IFT27: variants seen among roughly 807,000 people sequenced by gnomAD.
IFT27 encodes intraflagellar transport 27, also known as intraflagellar transport protein 27 homolog.
Under a neutral mutation model 23.9 loss-of-function variants are expected in IFT27, and 19 were observed. The observed-to-expected ratio is 0.79, with a 90% CI of 0.55 to 1.16. IFT27 has a LOEUF of 1.16. Among genes scored for constraint, IFT27 ranks in the 50% most tolerant of loss-of-function variants. The pLI, the probability that IFT27 is intolerant of heterozygous loss-of-function variation, is 0.00. For missense variants in IFT27, 206 were observed against 228.7 expected (o/e 0.90, Z 0.64); for synonymous variants, 91 against 89.1 (o/e 1.02, Z -0.12).
intron 1 of IFT27, among the ~76,000 whole-genome samples, chr22:36,768,817 T>G (rs1238047670): frequency 6.6e-6 from 1 of 152,230 alleles, no homozygotes. Context: ...GAGTCTTACG[T>G]GGACTTGCAC....
chr22:36,761,198 G>A (rs1938082174), intron 6 of IFT27: 1 of 152,166 alleles, frequency 6.6e-6, no homozygotes, highest in African/African-American at 2.4e-5. Context: ...GGTGACTCCT[G>A]TTTTGGAGGT....
chr22:36,759,096 GA>G (rs1938009217), intron 6 of IFT27: 1 of 152,668 alleles, frequency 6.6e-6, no homozygotes, highest in Admixed American at 6.5e-5. Flanking sequence ...CAGGAGGAGT[GA>G]GGGGGGACCA....
intron 4 of IFT27, among the ~76,000 whole-genome samples, chr22:36,765,600 A>G (rs1323550192): frequency 1.3e-5 from 2 of 152,192 alleles, no homozygotes; most frequent in African/African-American, 4.8e-5. Flanking sequence ...TCACTGGCCC[A>G]GATTAGTGAG....
At chr22:36,771,047 GGTGTGT>G (rs138610291) in intron 1 of IFT27, among the ~76,000 whole-genome samples, 104 of 150,950 alleles carry the variant, frequency 6.9e-4, no homozygotes, top group African/African-American at 2.4e-3. Flanking sequence ...CCTGTCTTGG[GGTGTGT>G]GTGTGTGTGT....
rs550842872 is a variant in IFT27, at chr22:36,764,862, C to T, written c.235-826G>A. ...GGCTGTGGGTGCGCACCCTGGTGCT[C>T]GTGACTCTTGGCCATGCTCTGGTTT... On this transcript the variant is annotated intron_variant, in intron 4 of 6. Transcript: ENST00000433985. Among the ~76,000 whole-genome samples, 231 of 152,302 alleles carry T rather than the reference C, an allele frequency of 1.5e-3. 1 individual carries two copies. The highest frequency in any genetic ancestry group is 1.7e-3 in the Non-Finnish European group (113 of 68,024).
intron 4 of IFT27, among the ~76,000 whole-genome samples, chr22:36,765,830 G>C (rs1471891313): frequency 6.6e-6 from 1 of 152,222 alleles, no homozygotes; most frequent in Admixed American, 6.5e-5. Flanking sequence ...GACACCATCT[G>C]AAAGGACAGT....
chr22:36,758,305 A>G lies in IFT27; in HGVS notation c.*6T>C, dbSNP rs750851914. On this transcript the variant is annotated 3_prime_UTR_variant, in exon 7 of 7. Coordinates refer to ENST00000433985, the MANE Select transcript of IFT27 (RefSeq NM_001177701.3). Reference sequence around the variant, plus strand: ...CCGGTTGTGCAGCACGATCTGCTCCAGCTCGTCATGCCAGGGCCCGGAAAA... The same window carrying G: ...CCGGTTGTGCAGCACGATCTGCTCCGGCTCGTCATGCCAGGGCCCGGAAAA... The G allele has an allele frequency of 1.2e-6, 2 of 1,610,610 alleles. No homozygotes were observed. The highest frequency in any genetic ancestry group is 1.7e-6 in the Non-Finnish European group (2 of 1,176,878).
chr22:36,772,149 T>C (rs369219388), intron 1 of IFT27, among the ~76,000 whole-genome samples: 10 of 152,316 alleles, frequency 6.6e-5, no homozygotes, highest in African/African-American at 2.4e-4. Context: ...TTCATCTTTA[T>C]CTGTGTGGCT....
intron 4 of IFT27, among the ~76,000 whole-genome samples, chr22:36,765,898 GC>G (rs1938235513): frequency 6.6e-6 from 1 of 152,240 alleles, no homozygotes; most frequent in South Asian, 2.1e-4. Flanking sequence ...GAGCCGCAGG[GC>G]TCTTGGCCCA....
At chr22:36,765,425 C>T (rs1004024625) in intron 4 of IFT27, among the ~76,000 whole-genome samples, 2 of 152,060 alleles carry the variant, frequency 1.3e-5, no homozygotes, top group African/African-American at 2.4e-5. Flanking sequence ...TTGGGGTGAA[C>T]GTCGTGAACC....
intron 1 of IFT27, among the ~76,000 whole-genome samples, chr22:36,774,967 T>C (rs1356250810): frequency 6.6e-6 from 1 of 152,264 alleles, no homozygotes; most frequent in Non-Finnish European, 1.5e-5. Flanking sequence ...TTTTTCTAAA[T>C]GTGCAGACTG....
chr22:36,769,964 C>T (rs1938354358), intron 1 of IFT27, among the ~76,000 whole-genome samples: 1 of 152,202 alleles, frequency 6.6e-6, no homozygotes, highest in African/African-American at 2.4e-5. Flanking sequence ...GGCTCAGAAG[C>T]ACAGGGAGGT....
At position 36,766,312 on chromosome 22, in the gene IFT27, C is replaced by T. The variant is rs931171641; in HGVS notation, c.175-115G>A. ...CTTAGGGGTGAAATACAGGCACCCA[C>T]ATCTTCACACATGCTCTGTCTTTTC... On this transcript the variant is annotated intron_variant, in intron 3 of 6. Coordinates refer to ENST00000433985, the MANE Select transcript of IFT27 (RefSeq NM_001177701.3). The T allele has an allele frequency of 5.1e-6, 4 of 777,872 alleles. No homozygotes were observed. In the East Asian group the frequency reaches 1.0e-4, roughly 20 times the overall value. 48.2% of individuals were successfully genotyped at this position (777,872 alleles called of 1,614,324 possible).
At chr22:36,772,657 C>T (rs2145925297) in intron 1 of IFT27, 1 of 985,488 alleles carries the variant, frequency 1.0e-6, no homozygotes, top group Non-Finnish European at 1.2e-6. Context: ...GTGCAACTGA[C>T]TCATGCTTGC....
chr22:36,767,774 C>T lies in IFT27; in HGVS notation c.114+9G>A. On this transcript the variant is annotated intron_variant, in intron 2 of 6. Transcript: ENST00000433985. ...TAAGCTGTGGCCAGGTCTTGACACC[C>T]CAGCTCACCAGGGTGTAGCTTTTCT... 1.2e-6 allele frequency: 2 copies of T among 1,612,746 alleles called. No homozygotes were observed. The highest frequency in any genetic ancestry group is 2.2e-5 in the East Asian group (1 of 44,876).
intron 1 of IFT27, among the ~76,000 whole-genome samples, chr22:36,770,411 G>T (rs987656881): frequency 6.6e-6 from 1 of 152,022 alleles, no homozygotes; most frequent in Non-Finnish European, 1.5e-5. Flanking sequence ...GCCTGTCATC[G>T]GCGGCGCTCT....
At chr22:36,773,654 C>A (rs375743418) in intron 1 of IFT27, among the ~76,000 whole-genome samples, 280 of 110,310 alleles carry the variant, frequency 2.5e-3, no homozygotes, top group African/African-American at 2.8e-3. Context: ...AACTCCGTCT[C>A]AAAAAAAAAA....
At chr22:36,762,671 A>G (rs1938122105) in intron 6 of IFT27, 1 of 386,860 alleles carries the variant, frequency 2.6e-6, no homozygotes, top group Non-Finnish European at 4.7e-6. Context: ...TGTATTTCTT[A>G]CTAGTTGAGA....
At chr22:36,775,530 T>C in intron 1 of IFT27, 144 bp downstream of exon 1, 1 of 831,924 alleles carries the variant, frequency 1.2e-6, no homozygotes, top group Non-Finnish European at 2.0e-6. Context: ...TAACGTAATT[T>C]ACTGTATCAG....
Sources: allele counts gnomAD v4.1 joint callset (sites outside exome capture counted in the v4.1 genomes callset), GRCh38; gene constraint gnomAD v4.1.1; transcripts MANE v1.5; gene names NCBI Gene and HGNC (gene_info 2026-07-23, HGNC 2026-07-21).